Variants in MTA3 observed in about 807,000 individuals in gnomAD.
MTA3 encodes the protein metastasis-associated protein MTA3.
In MTA3, 34 loss-of-function variants were observed where a neutral mutation model predicts 83.5. The ratio of observed to expected loss-of-function variants is 0.41; its 90% CI spans 0.31 to 0.54. The LOEUF (loss-of-function observed/expected upper bound fraction) is 0.54, where lower values mean the gene tolerates loss of function less well. MTA3 is among the 20% of genes least tolerant of loss of function. MTA3 has a pLI of 0.33. For missense variants in MTA3, 761 were observed against 726.4 expected, an observed-to-expected ratio of 1.05 and a Z score of -0.55; for synonymous variants, 303 against 252.7, an observed-to-expected ratio of 1.20 and a Z score of -1.89.
chr2:42,744,371 G>C (rs1669254543), intron 16 of MTA3, among the ~76,000 whole-genome samples: 1 of 152,188 alleles, frequency 6.6e-6, no homozygotes, highest in Admixed American at 6.5e-5. Flanking sequence ...ATGTCTCTGA[G>C]GGAAGCACTA....
At position 42,754,887 on chromosome 2, in the gene MTA3, C is replaced by T. The variant is rs535248025; in HGVS notation, c.*1488C>T. On this transcript the variant is annotated 3_prime_UTR_variant, in exon 17 of 17. Coordinates refer to ENST00000405094, the MANE Select transcript of MTA3 (RefSeq NM_001330442.2). The stretch of plus-strand genomic sequence containing the variant: ...AGAGCGTGCTGTGTGAGGTGGAGGG[C>T]GGTTTTGCAGACATCTCAGCTTCTT... 1.4e-4 allele frequency: 136 copies of T among 985,542 alleles called. No homozygotes were observed. Among genetic ancestry groups the T allele is most frequent in the Admixed American group, 8.6e-4 (14 of 16,280 alleles). 61.0% of individuals were successfully genotyped at this position (985,542 alleles called of 1,614,324 possible).
chr2:42,650,799 C>T (rs1185628520), intron 6 of MTA3, among the ~76,000 whole-genome samples: 1 of 152,162 alleles, frequency 6.6e-6, no homozygotes, highest in East Asian at 1.9e-4. Flanking sequence ...TAATCTTATC[C>T]AGTTGAGTTA....
intron 3 of MTA3, among the ~76,000 whole-genome samples, chr2:42,598,192 C>G (rs1303592567): frequency 1.3e-5 from 2 of 152,094 alleles, no homozygotes; most frequent in Non-Finnish European, 2.9e-5. Context: ...CCTGCCTCAG[C>G]CTCCTGAGTA....
intron 16 of MTA3, among the ~76,000 whole-genome samples, chr2:42,725,724 A>G (rs773438018): frequency 1.2e-4 from 18 of 152,190 alleles, no homozygotes; most frequent in Non-Finnish European, 2.4e-4. Context: ...TTCTGCACCT[A>G]CCTGGGGGGA....
intron 14 of MTA3, among the ~76,000 whole-genome samples, chr2:42,709,898 A>C (rs1188168680): frequency 2.6e-5 from 4 of 152,166 alleles, no homozygotes; most frequent in Non-Finnish European, 4.4e-5. Flanking sequence ...TTTTGTTAGC[A>C]CAGAGATCAT....
intron 14 of MTA3, chr2:42,712,886 C>CT (rs1666740371): frequency 2.6e-5 from 4 of 151,544 alleles, no homozygotes; most frequent in African/African-American, 9.7e-5. Flanking sequence ...TTTTTTCCCC[C>CT]CTGAGGTCCC....
intron 15 of MTA3, 102 bp downstream of exon 15, chr2:42,719,176 CA>C (rs1667234988): frequency 1.2e-6 from 1 of 815,700 alleles, no homozygotes; most frequent in African/African-American, 1.7e-5. Context: ...TCAGGCCCTT[CA>C]AATAGCCGAA....
chr2:42,598,952 C>T (rs563525156), intron 3 of MTA3, among the ~76,000 whole-genome samples: 5 of 152,272 alleles, frequency 3.3e-5, no homozygotes, highest in South Asian at 4.1e-4. Context: ...TTGTCCCTTC[C>T]AGCCAGGAAG....
intron 16 of MTA3, among the ~76,000 whole-genome samples, chr2:42,744,635 ATGTTT>A (rs886959942): frequency 6.6e-6 from 1 of 151,956 alleles, no homozygotes; most frequent in African/African-American, 2.4e-5. Context: ...GGTCTCTCAC[ATGTTT>A]TGGGAGGAGG....
chr2:42,547,168 T>G (rs935193638), intron 2 of MTA3, among the ~76,000 whole-genome samples: 18 of 152,166 alleles, frequency 1.2e-4, no homozygotes, highest in African/African-American at 4.3e-4. Flanking sequence ...AAATCTCAGC[T>G]GAATTAAATG....
chr2:42,707,060 G>T (rs1666158659), intron 12 of MTA3, among the ~76,000 whole-genome samples: 1 of 150,064 alleles, frequency 6.7e-6, no homozygotes, highest in African/African-American at 2.5e-5. Flanking sequence ...AACCTCCCAG[G>T]CTCAAGCAGT....
intron 3 of MTA3, among the ~76,000 whole-genome samples, chr2:42,591,752 G>A (rs760473720): frequency 6.6e-6 from 1 of 152,058 alleles, no homozygotes; most frequent in Non-Finnish European, 1.5e-5. Context: ...CCAGGTTCAA[G>A]CAATTCTCCT....
chr2:42,712,063 A>T (rs1015856727), intron 14 of MTA3, among the ~76,000 whole-genome samples: 6 of 152,136 alleles, frequency 3.9e-5, no homozygotes, highest in African/African-American at 1.4e-4. Context: ...GCCTCTGGCC[A>T]CGGCAGCACC....
intron 9 of MTA3, among the ~76,000 whole-genome samples, chr2:42,683,032 C>T (rs1168310271): frequency 6.6e-6 from 1 of 152,160 alleles, no homozygotes; most frequent in Admixed American, 6.5e-5. Flanking sequence ...GATGGCACCA[C>T]TGCACTGCAG....
At chr2:42,613,597 G>T (rs148264351) in intron 4 of MTA3, 52 of 152,280 alleles carry the variant, frequency 3.4e-4, no homozygotes, top group Non-Finnish European at 5.7e-4. Context: ...CAGCAAAGAG[G>T]GTAATTTGGT....
At chr2:42,623,882 G>C (rs1023582349) in intron 4 of MTA3, among the ~76,000 whole-genome samples, 2 of 151,906 alleles carry the variant, frequency 1.3e-5, no homozygotes, top group African/African-American at 2.4e-5. Flanking sequence ...AAGTAGAGAC[G>C]GGGTTTCACC....
intron 12 of MTA3, among the ~76,000 whole-genome samples, chr2:42,705,716 C>G (rs141463574): frequency 6.6e-6 from 1 of 151,688 alleles, no homozygotes; most frequent in Non-Finnish European, 1.5e-5. Flanking sequence ...CCCCCCGCCC[C>G]CAAAAAAAAA....
chr2:42,752,875 A>T (rs1669987118), intron 16 of MTA3, among the ~76,000 whole-genome samples: 1 of 150,908 alleles, frequency 6.6e-6, no homozygotes, highest in African/African-American at 2.4e-5. Context: ...TATATATTTT[A>T]TTGGCCCTAA....
intron 8 of MTA3, among the ~76,000 whole-genome samples, chr2:42,680,697 G>C (rs1432593587): frequency 6.6e-6 from 1 of 152,130 alleles, no homozygotes; most frequent in Non-Finnish European, 1.5e-5. Context: ...TAAATCAAAG[G>C]TTTTTCAAAC....
Sources: allele counts gnomAD v4.1 joint callset (sites outside exome capture counted in the v4.1 genomes callset), GRCh38; gene constraint gnomAD v4.1.1; transcripts MANE v1.5; gene names NCBI Gene and HGNC (gene_info 2026-07-23, HGNC 2026-07-21).